The following XRN2 variants were observed in gnomAD, a reference collection of about 807,000 sequenced individuals.
XRN2 encodes 5'-3' exoribonuclease 2.
Under a neutral mutation model 138.5 loss-of-function variants are expected in XRN2, and 44 were observed. The ratio of observed to expected loss-of-function variants is 0.32; its 90% CI spans 0.25 to 0.41. The LOEUF (loss-of-function observed/expected upper bound fraction) is 0.41, where lower values mean the gene tolerates loss of function less well. Among genes scored for constraint, XRN2 ranks in the 10% least tolerant of loss-of-function variants. The pLI is 1.00. For synonymous variants in XRN2, 354 were observed against 369.4 expected (o/e 0.96, Z 0.48); for missense variants, 937 against 1,169.3 (o/e 0.80, Z 2.90).
intron 1 of XRN2, among the ~76,000 whole-genome samples, chr20:21,320,451 C>G (rs1190874952): frequency 6.6e-6 from 1 of 151,922 alleles, no homozygotes; most frequent in Non-Finnish European, 1.5e-5. Context: ...GGGCGCCTGC[C>G]ACCACATCCG....
chr20:21,379,056 T>A (rs755089509), intron 27 of XRN2, among the ~76,000 whole-genome samples: 15 of 152,250 alleles, frequency 9.9e-5, no homozygotes, highest in Non-Finnish European at 1.9e-4. Context: ...GATTTTTGAC[T>A]AGTGCTATCA....
At position 21,365,604 on chromosome 20, in the gene XRN2, T is replaced by TG; in HGVS notation, c.2359dup (p.Glu787GlyfsTer16). 2 of 1,613,390 alleles carry TG rather than the reference T, an allele frequency of 1.2e-6. No individual in the cohort carries two copies. The highest frequency in any genetic ancestry group is 1.7e-6 in the Non-Finnish European group (2 of 1,179,918). ...AGCAGCAGTACTGAAACCTAGTGAC[T>TG]GGGAAAAATCCAGCAATGGACGGCA... On this transcript the variant is annotated frameshift_variant, in exon 26 of 30. Coordinates refer to ENST00000377191, the MANE Select transcript of XRN2 (RefSeq NM_012255.5). LOFTEE classifies it high-confidence loss of function.
At chr20:21,363,591 A>G (rs893645210) in intron 24 of XRN2, among the ~76,000 whole-genome samples, 3 of 152,222 alleles carry the variant, frequency 2.0e-5, no homozygotes, top group East Asian at 3.9e-4. Flanking sequence ...TAGTTGAGTA[A>G]TAAGTATTGT....
Position 21,333,959 on chromosome 20 carries a change from G to T in XRN2, c.1090G>T (p.Val364Phe). 1 of 1,614,106 alleles carries T rather than the reference G, an allele frequency of 6.2e-7. No homozygotes were observed. The highest frequency in any genetic ancestry group is 8.5e-7 in the Non-Finnish European group (1 of 1,179,996). ...CAGGGAAAATGCAATTGACCGTTTG[G>T]TTAACATATACAAAAATGTGGTACA... ...EIRENAIDRLVNIYKNVVHKT... is the reference protein window; with the variant it reads ...EIRENAIDRLFNIYKNVVHKT... The change falls in exon 12 of 30, where the codon GTT (valine) becomes TTT (phenylalanine). Residue 364 changes from valine to phenylalanine, a missense_variant. By Grantham distance (50) the Val-to-Phe change is conservative (BLOSUM62 -1). This residue lies in a region of XRN2 where 471 missense variants were observed against 581.2 expected (regional missense o/e 0.81). Transcript: ENST00000377191.
intron 27 of XRN2, 126 bp downstream of exon 27, chr20:21,368,716 AAGTT>A: frequency 1.6e-6 from 2 of 1,289,458 alleles, no homozygotes; most frequent in Admixed American, 2.7e-5. Flanking sequence ...AAAAACATGT[AAGTT>A]AGAAGAGTTG....
intron 20 of XRN2, among the ~76,000 whole-genome samples, chr20:21,353,223 G>GATATATAT (rs869071652): frequency 8.4e-4 from 95 of 113,756 alleles, no homozygotes; most frequent in African/African-American, 2.4e-3. Flanking sequence ...TAGTGGGTAG[G>GATATATAT]ATATATATAT....
At chr20:21,350,779 T>C (rs1034050698) in intron 20 of XRN2, among the ~76,000 whole-genome samples, 3 of 152,086 alleles carry the variant, frequency 2.0e-5, no homozygotes, top group African/African-American at 7.2e-5. Context: ...AATTTACAAA[T>C]TGAAAAATCA....
chr20:21,374,314 GT>G (rs1219409099), intron 27 of XRN2, among the ~76,000 whole-genome samples: 1 of 151,804 alleles, frequency 6.6e-6, no homozygotes, highest in African/African-American at 2.4e-5. Context: ...TTTTTTGTTT[GT>G]TTTTTGTTTT....
At chr20:21,323,017 C>G (rs2038068549) in intron 1 of XRN2, among the ~76,000 whole-genome samples, 1 of 152,166 alleles carries the variant, frequency 6.6e-6, no homozygotes, top group South Asian at 2.1e-4. Flanking sequence ...TCACATGGGA[C>G]CTGGGTGGGT....
intron 1 of XRN2, among the ~76,000 whole-genome samples, chr20:21,305,430 T>C (rs2037802660): frequency 4.6e-5 from 7 of 151,550 alleles, no homozygotes; most frequent in Admixed American, 4.6e-4. Context: ...AGCTGATTTT[T>C]TTTTAGTAGA....
chr20:21,304,727 A>G (rs1160128823), intron 1 of XRN2, among the ~76,000 whole-genome samples: 1 of 152,062 alleles, frequency 6.6e-6, no homozygotes, highest in Admixed American at 6.6e-5. Flanking sequence ...ATATATTTTT[A>G]TTGGTAAGCT....
intron 1 of XRN2, among the ~76,000 whole-genome samples, chr20:21,323,590 T>C (rs940243451): frequency 1.3e-5 from 2 of 152,182 alleles, no homozygotes; most frequent in African/African-American, 4.8e-5. Flanking sequence ...ACATAATAAG[T>C]GTGTTGGACA....
intron 3 of XRN2, among the ~76,000 whole-genome samples, chr20:21,327,511 A>G (rs1382982415): frequency 1.3e-5 from 2 of 152,220 alleles, no homozygotes; most frequent in Non-Finnish European, 2.9e-5. Context: ...TAGCTACCTG[A>G]TAACTTGCTA....
chr20:21,342,487 A>C (rs2038384846), intron 15 of XRN2, among the ~76,000 whole-genome samples: 1 of 152,194 alleles, frequency 6.6e-6, no homozygotes, highest in Non-Finnish European at 1.5e-5. Context: ...TCTAGAAAGT[A>C]TATTATTATT....
rs570171944 is a variant in XRN2 at position 21,327,100 on chromosome 20, A to C, written c.315+499A>C. The stretch of plus-strand genomic sequence containing the variant: ...ACCTTCCAGATTTCTCAAATGTGGC[A>C]GGTAAACACACTTTCCGTGCCTTTG... On this transcript the variant is annotated intron_variant, in intron 3 of 29. Coordinates refer to ENST00000377191, the MANE Select transcript of XRN2 (RefSeq NM_012255.5). Among the ~76,000 whole-genome samples, 276 of 152,180 alleles carry C rather than the reference A, an allele frequency of 1.8e-3. 1 individual carries two copies. Among genetic ancestry groups the C allele is most frequent in the Non-Finnish European group, 3.4e-3 (232 of 68,034 alleles).
intron 26 of XRN2, among the ~76,000 whole-genome samples, chr20:21,366,174 AT>A (rs2038699054): frequency 7.9e-6 from 1 of 127,124 alleles, no homozygotes; most frequent in Non-Finnish European, 1.6e-5. Context: ...TATATAATAT[AT>A]ATAAATATAT....
chr20:21,315,380 C>T (rs2037944196), intron 1 of XRN2, among the ~76,000 whole-genome samples: 1 of 152,182 alleles, frequency 6.6e-6, no homozygotes, highest in Non-Finnish European at 1.5e-5. Flanking sequence ...GTGGTATCTC[C>T]TGTGGTTTTG....
chr20:21,311,339 CT>C (rs1404131645), intron 1 of XRN2, among the ~76,000 whole-genome samples: 1 of 152,010 alleles, frequency 6.6e-6, no homozygotes, highest in African/African-American at 2.4e-5. Flanking sequence ...AATATTTTTC[CT>C]TTTGTGTCTG....
At position 21,368,456 on chromosome 20, in the gene XRN2, T is replaced by G. The variant is rs748453101; in HGVS notation, c.2457-7T>G. 4 of 1,613,670 alleles carry G rather than the reference T, an allele frequency of 2.5e-6. No individual in the cohort carries two copies. The Admixed American group carries it at 6.7e-5, about 27-fold the overall frequency. ...ATTTTTTTTTCTTGTGTTGGGTCCT[T>G]TTATAGCCATGTGATGCCAAGAGGC... On this transcript the variant is annotated splice_polypyrimidine_tract_variant and splice_region_variant and intron_variant, in intron 26 of 29. Transcript: ENST00000377191.
Sources: gnomAD v4.1 joint callset for allele counts (sites outside exome capture counted in the v4.1 genomes callset) on GRCh38, gnomAD v4.1.1 for gene constraint, gnomAD v4.1.1 regional missense constraint, MANE v1.5 for transcripts, NCBI Gene and HGNC (gene_info 2026-07-23, HGNC 2026-07-21) for gene names.